The following BRD10 variants were observed in gnomAD, a reference collection of about 807,000 sequenced individuals.
BRD10 encodes uncharacterized bromodomain-containing protein 10.
At chr9:5,976,981 G>T in the BRD10 span, among the ~76,000 whole-genome samples, 1 of 152,186 alleles carries the variant, frequency 6.6e-6, no homozygotes, top group Non-Finnish European at 1.5e-5. Flanking sequence ...GCAGTGAAAA[G>T]CAACTTTTGG....
the BRD10 span, chr9:5,906,949 A>C: frequency 6.3e-7 from 1 of 1,599,350 alleles, no homozygotes; most frequent in Non-Finnish European, 8.5e-7. Context: ...GAAGGGTTTG[A>C]TCATCGGGAC....
At chr9:5,897,631 G>A in the BRD10 span, 21 of 1,613,904 alleles carry the variant, frequency 1.3e-5, no homozygotes, top group African/African-American at 4.0e-5. Flanking sequence ...TGTAGAAGAC[G>A]AAATGGATAC....
chr9:5,952,191 T>G, the BRD10 span, among the ~76,000 whole-genome samples: 1 of 151,876 alleles, frequency 6.6e-6, no homozygotes, highest in Non-Finnish European at 1.5e-5. Flanking sequence ...CGGCTAATTT[T>G]TTTTGTATTT....
the BRD10 span, among the ~76,000 whole-genome samples, chr9:5,918,526 G>T: frequency 6.6e-6 from 1 of 152,094 alleles, no homozygotes; most frequent in African/African-American, 2.4e-5. Flanking sequence ...GACCAGCCTA[G>T]CAACATGGTG....
chr9:5,979,416 G>C, the BRD10 span, among the ~76,000 whole-genome samples: 4 of 152,122 alleles, frequency 2.6e-5, no homozygotes, highest in African/African-American at 9.7e-5. Flanking sequence ...GGGAGGCTGA[G>C]GTGGGAGGAT....
chr9:5,932,818 G>A, the BRD10 span, among the ~76,000 whole-genome samples: 1 of 152,074 alleles, frequency 6.6e-6, no homozygotes. Context: ...TCCTAAAGAA[G>A]ACATAGATTA....
At chr9:6,006,164 A>G in the BRD10 span, among the ~76,000 whole-genome samples, 1 of 152,234 alleles carries the variant, frequency 6.6e-6, no homozygotes, top group East Asian at 1.9e-4. Flanking sequence ...TAAAATGGCT[A>G]ACACTTATAC....
chr9:5,932,753 G>A, the BRD10 span, among the ~76,000 whole-genome samples: 6 of 152,088 alleles, frequency 3.9e-5, no homozygotes, highest in East Asian at 1.9e-4. Context: ...AAATACTAAC[G>A]TCTAATCTCC....
chr9:6,007,929 C>A, the BRD10 span: 2 of 1,330,792 alleles, frequency 1.5e-6, no homozygotes, highest in African/African-American at 1.5e-5. Flanking sequence ...GCCGCCGGCT[C>A]GGCTCGGTGC....
At chr9:5,921,355 T>G in the BRD10 span, 1 of 1,613,846 alleles carries the variant, frequency 6.2e-7, no homozygotes, top group Non-Finnish European at 8.5e-7. Context: ...TCAGTACTAT[T>G]TGGGGTTGCT....
the BRD10 span, among the ~76,000 whole-genome samples, chr9:5,964,193 T>A: frequency 6.9e-6 from 1 of 145,218 alleles, no homozygotes; most frequent in Non-Finnish European, 1.5e-5. Flanking sequence ...TACAATGAAC[T>A]CAAACAAATT....
chr9:5,922,874 G>A, the BRD10 span: 3 of 1,613,962 alleles, frequency 1.9e-6, no homozygotes, highest in Non-Finnish European at 2.5e-6. Flanking sequence ...TTCCGGAGGA[G>A]ATAAAACTGG....
At chr9:6,007,218 C>T in the BRD10 span, 1 of 1,613,608 alleles carries the variant, frequency 6.2e-7, no homozygotes, top group Non-Finnish European at 8.5e-7. Context: ...CTAACTTCTG[C>T]TCCAGCATCA....
At chr9:5,920,359 A>G in the BRD10 span, 2 of 1,613,902 alleles carry the variant, frequency 1.2e-6, no homozygotes, top group Non-Finnish European at 1.7e-6. Context: ...GTGTACTGGT[A>G]TTGATGACTA....
At chr9:5,916,759 A>C in the BRD10 span, among the ~76,000 whole-genome samples, 6 of 152,258 alleles carry the variant, frequency 3.9e-5, no homozygotes, top group East Asian at 1.2e-3. Context: ...GCTTAATTCT[A>C]TACTAAGTAT....
chr9:5,922,605 C>G, the BRD10 span: 6 of 1,613,726 alleles, frequency 3.7e-6, no homozygotes, highest in African/African-American at 2.7e-5. Flanking sequence ...TGTTCTGTAC[C>G]TTTCTGTTGA....
At chr9:5,958,776 G>C in the BRD10 span, among the ~76,000 whole-genome samples, 11 of 152,172 alleles carry the variant, frequency 7.2e-5, no homozygotes, top group East Asian at 1.9e-3. Flanking sequence ...TGAATACTAA[G>C]ATATTAATCA....
At chr9:6,004,660 C>T in the BRD10 span, among the ~76,000 whole-genome samples, 2 of 152,184 alleles carry the variant, frequency 1.3e-5, no homozygotes, top group East Asian at 3.8e-4. Flanking sequence ...TCATTGGTTT[C>T]ATTTCTAAAA....
At chr9:5,984,218 C>G in the BRD10 span, among the ~76,000 whole-genome samples, 1 of 152,056 alleles carries the variant, frequency 6.6e-6, no homozygotes, top group East Asian at 1.9e-4. Context: ...TAAAATACTT[C>G]TTTTCATTCT....
Sources: gnomAD v4.1 joint callset for allele counts (sites outside exome capture counted in the v4.1 genomes callset) on GRCh38, gnomAD v4.1.1 for gene constraint, MANE v1.5 for transcripts, NCBI Gene and HGNC (gene_info 2026-07-23, HGNC 2026-07-21) for gene names.